CLCC1: variants seen among roughly 807,000 people sequenced by gnomAD.
CLCC1 encodes the protein chloride channel CLIC like 1, also known as chloride channel CLIC-like protein 1.
A neutral mutation model predicts 63.3 loss-of-function variants in CLCC1; 39 were observed. The observed-to-expected ratio is 0.62, with a 90% CI of 0.48 to 0.81. The LOEUF (loss-of-function observed/expected upper bound fraction) is 0.81. Ranked by LOEUF, CLCC1 falls within the 30% of genes least tolerant of loss-of-function variation. The pLI, the probability that CLCC1 is intolerant of heterozygous loss-of-function variation, is 0.00. For missense variants in CLCC1, 549 were observed against 669.4 expected, an observed-to-expected ratio of 0.82 and a Z score of 1.98; for synonymous variants, 217 against 239.8, an observed-to-expected ratio of 0.90 and a Z score of 0.88.
At position 108,931,874 on chromosome 1, in the gene CLCC1, ATT is replaced by A. The variant is rs1055598050; in HGVS notation, c.*671_*672del. The stretch of plus-strand genomic sequence containing the variant: ...ACACAAAGTACAAACTTTGTGTATT[ATT>A]TTGTGTATACAATAGTTCTTACAGC... On this transcript the variant is annotated 3_prime_UTR_variant, in exon 13 of 13. Coordinates refer to ENST00000369969, the MANE Select transcript of CLCC1 (RefSeq NM_001377458.1). The A allele has an allele frequency of 6.0e-6, 1 of 165,674 alleles. No homozygotes were observed. Among genetic ancestry groups the A allele is most frequent in the African/African-American group, 2.4e-5 (1 of 41,582 alleles). The allele number at this position is 165,674 out of a possible 1,614,324, so 10.3% of individuals were successfully genotyped here. A position where few individuals can be genotyped will look rare whatever the true frequency, so the allele number is the denominator to read the frequency against.
chr1:108,931,656 A>G lies in CLCC1; in HGVS notation c.*891T>C. On this transcript the variant is annotated 3_prime_UTR_variant, in exon 13 of 13. Coordinates refer to ENST00000369969, the MANE Select transcript of CLCC1 (RefSeq NM_001377458.1). ...AAAAAAAAAAAAAGTTCTAAATTAC[A>G]ACCTGGATTACATTATGTTTCATGT... 1.1e-6 allele frequency: 1 copy of G among 914,432 alleles called. No individual in the cohort carries two copies. The highest frequency in any genetic ancestry group is 2.9e-5 in the East Asian group (1 of 34,724). The allele number at this position is 914,432 out of a possible 1,614,324, so 56.6% of individuals were successfully genotyped here. A position where few individuals can be genotyped will look rare whatever the true frequency, so the allele number is the denominator to read the frequency against.
In CLCC1 at chr1:108,937,393, G is replaced by A; in HGVS notation, c.1067C>T (p.Ser356Leu). 1 of 1,607,546 alleles carries A rather than the reference G, an allele frequency of 6.2e-7. No homozygotes were observed. The highest frequency in any genetic ancestry group is 2.2e-5 in the East Asian group (1 of 44,584). The stretch of plus-strand genomic sequence containing the variant: ...GCCTATATGTCTCAGCACATGAACT[G>A]ATTTTCCAGCACCATAGCAGAAACT... ...ILSFCYGAGK[S>L]VHVLRHIGGP... Residue 356 changes from serine (S) to leucine (L), a missense_variant, in exon 11 of 13, where the codon TCA (serine) becomes TTA (leucine). By Grantham distance (145) the Ser-to-Leu change is moderately radical (BLOSUM62 -2). Coordinates refer to ENST00000369969, the MANE Select transcript of CLCC1 (RefSeq NM_001377458.1).
At position 108,929,827 on chromosome 1, in the gene CLCC1, G is replaced by C. The variant is rs1366388959; in HGVS notation, c.*2720C>G. 1 of 1,614,088 alleles carries C rather than the reference G, an allele frequency of 6.2e-7. No homozygotes were observed. Among genetic ancestry groups the C allele is most frequent in the Non-Finnish European group, 8.5e-7 (1 of 1,179,966 alleles). On this transcript the variant is annotated 3_prime_UTR_variant, in exon 13 of 13. Coordinates refer to ENST00000369969, the MANE Select transcript of CLCC1 (RefSeq NM_001377458.1). ...GGGAAAGAGAATGGATGAACAGAGAGTTCTTTTACAAAGAGATCAAAACAG... is the reference window on the plus strand; with the variant it reads ...GGGAAAGAGAATGGATGAACAGAGACTTCTTTTACAAAGAGATCAAAACAG...
intron 5 of CLCC1, among the ~76,000 whole-genome samples, chr1:108,944,669 G>A (rs1188656271): frequency 2.0e-5 from 3 of 150,714 alleles, no homozygotes; most frequent in East Asian, 3.9e-4. Context: ...TCACTCTGTC[G>A]CCCAGGCTGG....
chr1:108,929,884 CA>C lies in CLCC1; in HGVS notation c.*2662del. ...TGACTTTGGGCTAAAGGACTTTTTG[CA>C]AAATAATGCTTTGTTGGAGTTTAAA... On this transcript the variant is annotated 3_prime_UTR_variant, in exon 13 of 13. Transcript: ENST00000369969. 6.2e-7 allele frequency: 1 copy of C among 1,613,410 alleles called. No individual in the cohort carries two copies. The highest frequency in any genetic ancestry group is 8.5e-7 in the Non-Finnish European group (1 of 1,179,446).
Position 108,931,561 on chromosome 1 carries a change from C to CTATT in CLCC1, c.*982_*985dup. 1 of 1,456,452 alleles carries CTATT rather than the reference C, an allele frequency of 6.9e-7. No individual in the cohort carries two copies. Among genetic ancestry groups the CTATT allele is most frequent in the Non-Finnish European group, 9.1e-7 (1 of 1,095,130 alleles). 90.2% of individuals were successfully genotyped at this position (1,456,452 alleles called of 1,614,324 possible). A position where few individuals can be genotyped will look rare whatever the true frequency, so the allele number is the denominator to read the frequency against. The stretch of plus-strand genomic sequence containing the variant: ...AGGTGATTTGGATGGGCAAATAGAA[C>CTATT]TATTTCTCTAATGGCCAATGTTTTT... On this transcript the variant is annotated 3_prime_UTR_variant, in exon 13 of 13. Transcript: ENST00000369969.
At chr1:108,950,479 T>A in intron 2 of CLCC1, 31 bp from the exon 3 acceptor site, 1 of 1,273,200 alleles carries the variant, frequency 7.9e-7, no homozygotes, top group Non-Finnish European at 1.0e-6. Context: ...TATAATGAAA[T>A]AGAATTATTT....
intron 5 of CLCC1, among the ~76,000 whole-genome samples, chr1:108,945,031 A>G (rs1474498655): frequency 6.6e-6 from 1 of 152,248 alleles, no homozygotes; most frequent in Non-Finnish European, 1.5e-5. Context: ...CAAACCTGTC[A>G]TAACATTTTT....
intron 2 of CLCC1, among the ~76,000 whole-genome samples, chr1:108,954,010 C>CAAAAAAAAAA (rs11463360): frequency 2.0e-5 from 2 of 98,040 alleles, no homozygotes; most frequent in African/African-American, 8.2e-5. Flanking sequence ...AACTCCGTCT[C>CAAAAAAAAAA]AAAAAAAAAA....
At chr1:108,936,668 GT>G (rs1653060420) in intron 11 of CLCC1, among the ~76,000 whole-genome samples, 1 of 152,206 alleles carries the variant, frequency 6.6e-6, no homozygotes, top group Non-Finnish European at 1.5e-5. Context: ...GGGAAGCAAT[GT>G]TTTTGATCCC....
intron 3 of CLCC1, 97 bp downstream of exon 3, chr1:108,950,212 C>T: frequency 8.3e-7 from 1 of 1,200,678 alleles, no homozygotes; most frequent in Non-Finnish European, 1.2e-6. Flanking sequence ...ATCATGGATC[C>T]ATGACCCTCA....
Position 108,931,073 on chromosome 1 carries a change from G to T in CLCC1, c.*1474C>A. The T allele has an allele frequency of 3.6e-6, 1 of 274,520 alleles. No individual in the cohort carries two copies. Among genetic ancestry groups the T allele is most frequent in the Non-Finnish European group, 6.9e-6 (1 of 144,650 alleles). 17.0% of individuals were successfully genotyped at this position (274,520 alleles called of 1,614,324 possible). A position where few individuals can be genotyped will look rare whatever the true frequency, so the allele number is the denominator to read the frequency against. On this transcript the variant is annotated 3_prime_UTR_variant, in exon 13 of 13. Coordinates refer to ENST00000369969, the MANE Select transcript of CLCC1 (RefSeq NM_001377458.1). ...TCTCTAGAAAACAAGTATCTTTTGT[G>T]TGTTTTGGGCTGTTTAAAAAAATTA...
chr1:108,950,266 G>A, intron 3 of CLCC1, 43 bp downstream of exon 3: 1 of 1,577,016 alleles, frequency 6.3e-7, no homozygotes, highest in Non-Finnish European at 8.6e-7. Flanking sequence ...TCCATCATGG[G>A]ACTGATAAGG....
Position 108,933,607 on chromosome 1 carries a change from A to C in CLCC1, c.*45+1018T>G, listed in dbSNP as rs1010564703. On this transcript the variant is annotated intron_variant, in intron 12 of 12. Transcript: ENST00000369969. ...GGTATCACTTTTAGTAAGCAGTTGAACATAACTTGTAGTGTGAATATGGTT... is the reference window on the plus strand; with the variant it reads ...GGTATCACTTTTAGTAAGCAGTTGACCATAACTTGTAGTGTGAATATGGTT... 6.6e-5 allele frequency: 10 copies of C among 152,266 alleles called. 1 individual carries two copies. The East Asian group carries it at 1.7e-3, about 26-fold the overall frequency. The allele number at this position is 152,266 out of a possible 1,614,324, so 9.4% of individuals were successfully genotyped here. A position where few individuals can be genotyped will look rare whatever the true frequency, so the allele number is the denominator to read the frequency against.
Position 108,931,208 on chromosome 1 carries a change from A to ACAT in CLCC1, c.*1336_*1338dup. On this transcript the variant is annotated 3_prime_UTR_variant, in exon 13 of 13. Transcript: ENST00000369969. ...TGTGGTTAGGTCAAGAACCTAGGAC[A>ACAT]CATAAACAAACAGAAAACAGATGAA... is the stretch of plus-strand genomic sequence containing the variant. 1.6e-6 allele frequency: 2 copies of ACAT among 1,215,946 alleles called. No homozygotes were observed. Among genetic ancestry groups the ACAT allele is most frequent in the Non-Finnish European group, 2.2e-6 (2 of 899,444 alleles). The allele number at this position is 1,215,946 out of a possible 1,614,324, so 75.3% of individuals were successfully genotyped here.
chr1:108,961,479 T>A (rs1361717873), intron 2 of CLCC1, among the ~76,000 whole-genome samples: 1 of 152,030 alleles, frequency 6.6e-6, no homozygotes, highest in African/African-American at 2.4e-5. Context: ...CACTACTCTT[T>A]CTCTCTCCCG....
In CLCC1 at chr1:108,950,174, G is replaced by A. The variant is rs1655009033; in HGVS notation, c.129+135C>T. The A allele has an allele frequency of 3.2e-6, 3 of 925,748 alleles. No individual in the cohort carries two copies. In the African/African-American group the frequency reaches 5.1e-5, roughly 16 times the overall value. 57.3% of individuals were successfully genotyped at this position (925,748 alleles called of 1,614,324 possible). ...TTTGAAATAATTTTAGATTAACAGT[G>A]TCAAGAAAATATTCTGCATAATTGC... On this transcript the variant is annotated intron_variant, in intron 3 of 12. Coordinates refer to ENST00000369969, the MANE Select transcript of CLCC1 (RefSeq NM_001377458.1).
intron 2 of CLCC1, among the ~76,000 whole-genome samples, chr1:108,961,123 A>T (rs757532490): frequency 1.3e-5 from 2 of 152,170 alleles, no homozygotes; most frequent in Admixed American, 6.5e-5. Context: ...ATGATGGAAG[A>T]CAGGAGGGTA....
intron 10 of CLCC1, among the ~76,000 whole-genome samples, chr1:108,938,404 A>G (rs1653331799): frequency 6.6e-6 from 1 of 152,232 alleles, no homozygotes; most frequent in African/African-American, 2.4e-5. Flanking sequence ...AATGTCACCT[A>G]ACAAAAAAAT....
Sources: allele counts gnomAD v4.1 joint callset (sites outside exome capture counted in the v4.1 genomes callset), GRCh38; gene constraint gnomAD v4.1.1; transcripts MANE v1.5; gene names NCBI Gene and HGNC (gene_info 2026-07-23, HGNC 2026-07-21).